The following GATA4 variants were observed in gnomAD, a reference collection of about 807,000 sequenced individuals.
The protein encoded by GATA4 is GATA binding protein 4, also known as transcription factor GATA-4.
In GATA4, 7 loss-of-function variants were observed where a neutral mutation model predicts 37.9. The observed-to-expected ratio is 0.18, with a 90% CI of 0.11 to 0.35. The LOEUF (loss-of-function observed/expected upper bound fraction) is 0.35. Among genes scored for constraint, GATA4 ranks in the 10% least tolerant of loss-of-function variants. GATA4 has a pLI of 1.00. For missense variants in GATA4, 647 were observed against 653.0 expected, an observed-to-expected ratio of 0.99 and a Z score of 0.10; for synonymous variants, 372 against 292.6, an observed-to-expected ratio of 1.27 and a Z score of -2.77.
Position 11,746,898 on chromosome 8 carries a change from G to T in GATA4, c.617-2018G>T, listed in dbSNP as rs141574294. On this transcript the variant is annotated intron_variant, in intron 2 of 6. Transcript: ENST00000532059. Reference sequence around the variant, plus strand: ...CTTACACCTGCACACTGTTTACTTGGTGTGGACACACAGCTACCTGTTTGC... The same window carrying T: ...CTTACACCTGCACACTGTTTACTTGTTGTGGACACACAGCTACCTGTTTGC... 3.7e-3 allele frequency among the ~76,000 whole-genome samples: 557 copies of T among 152,354 alleles called. 3 individuals carry two copies. The highest frequency in any genetic ancestry group is 0.017 in the Middle Eastern group (5 of 294).
intron 2 of GATA4, among the ~76,000 whole-genome samples, chr8:11,715,677 G>T (rs898894132): frequency 6.6e-6 from 1 of 151,418 alleles, no homozygotes; most frequent in Admixed American, 6.6e-5. Flanking sequence ...GGAGTTGGAG[G>T]TTGCAGTGAG....
At chr8:11,714,388 A>G (rs1307157338) in intron 2 of GATA4, among the ~76,000 whole-genome samples, 2 of 151,418 alleles carry the variant, frequency 1.3e-5, no homozygotes, top group African/African-American at 4.9e-5. Flanking sequence ...TCAGTGAAAA[A>G]CCCCGAAGTG....
intron 2 of GATA4, among the ~76,000 whole-genome samples, chr8:11,733,417 C>T (rs1263018522): frequency 6.6e-6 from 1 of 152,156 alleles, no homozygotes; most frequent in Non-Finnish European, 1.5e-5. Flanking sequence ...GACACACTGG[C>T]ACGGAAGCTA....
At position 11,709,084 on chromosome 8, in the gene GATA4, G is replaced by A. The variant is rs920481333; in HGVS notation, c.616+156G>A. 1.3e-5 allele frequency among the ~76,000 whole-genome samples: 2 copies of A among 152,174 alleles called. No individual in the cohort carries two copies. Among genetic ancestry groups the A allele is most frequent in the Non-Finnish European group, 2.9e-5 (2 of 68,024 alleles). On this transcript the variant is annotated intron_variant, in intron 2 of 6. Coordinates refer to ENST00000532059, the MANE Select transcript of GATA4 (RefSeq NM_001308093.3). The surrounding 1 kb of genome is among the most constrained non-coding windows in gnomAD (Gnocchi z 4.3). ...TCTAGGGAAGGCAGAAGCCAGTGCG[G>A]GGCTGGCGACATCACAGCCCCAGAA...
rs536376600 is a variant in GATA4 at position 11,757,481 on chromosome 8, G to C, written c.1149+398G>C. Among the ~76,000 whole-genome samples, 65 of 152,342 alleles carry C rather than the reference G, an allele frequency of 4.3e-4. 2 individuals are homozygous for C. Among genetic ancestry groups the C allele is most frequent in the African/African-American group, 3.4e-4 (14 of 41,578 alleles). ...AGACTGCGTGCTGGGGCGAGGGGAG[G>C]CGTGGTTGCGCTGTCGGAGGCCGAG... On this transcript the variant is annotated intron_variant, in intron 6 of 6. Coordinates refer to ENST00000532059, the MANE Select transcript of GATA4 (RefSeq NM_001308093.3).
rs1454262344 is a variant in GATA4 at position 11,709,607 on chromosome 8, C to T, written c.616+679C>T. 6.7e-6 allele frequency among the ~76,000 whole-genome samples: 1 copy of T among 149,528 alleles called. No individual in the cohort carries two copies. Among genetic ancestry groups the T allele is most frequent in the Non-Finnish European group, 1.5e-5 (1 of 67,638 alleles). The stretch of plus-strand genomic sequence containing the variant: ...GGGGGCGCACACGCCCGGTCAGTGT[C>T]CGGGAACATAGGGACCTCAAACGCG... On this transcript the variant is annotated intron_variant, in intron 2 of 6. Transcript: ENST00000532059. This position sits in a 1 kb window ranked among gnomAD's most constrained non-coding sequence, Gnocchi z 4.3.
chr8:11,720,496 A>G (rs1427952289), intron 2 of GATA4, among the ~76,000 whole-genome samples: 2 of 152,102 alleles, frequency 1.3e-5, no homozygotes, highest in Admixed American at 6.5e-5. Flanking sequence ...GGTTTGTTAC[A>G]TAGGTAAACT....
At chr8:11,737,088 G>A (rs34962960) in intron 2 of GATA4, among the ~76,000 whole-genome samples, 48,191 of 151,954 alleles carry the variant, frequency 0.32, 9,802 homozygotes, top group Non-Finnish European at 0.46. Flanking sequence ...AGCAGGAGAA[G>A]AAGATGTAAA....
chr8:11,734,355 G>A (rs935100370), intron 2 of GATA4, among the ~76,000 whole-genome samples: 5 of 152,222 alleles, frequency 3.3e-5, no homozygotes, highest in Admixed American at 6.5e-5. Flanking sequence ...CAAAGTTCTG[G>A]AAGCCAGGAA....
chr8:11,722,097 C>T (rs775794634), intron 2 of GATA4, among the ~76,000 whole-genome samples: 4 of 152,210 alleles, frequency 2.6e-5, no homozygotes, highest in Non-Finnish European at 5.9e-5. Flanking sequence ...ATCCTCCTGC[C>T]TCAGCCTCCC....
intron 1 of GATA4, among the ~76,000 whole-genome samples, chr8:11,683,922 T>C (rs572055468): frequency 5.4e-4 from 82 of 152,348 alleles, no homozygotes; most frequent in African/African-American, 1.9e-3. Context: ...CGGGAAAGAA[T>C]TTCCCTGGGA....
At chr8:11,691,571 C>T (rs1005430808), upstream of GATA4, among the ~76,000 whole-genome samples, 1 of 152,232 alleles carries the variant, frequency 6.6e-6, no homozygotes, top group East Asian at 1.9e-4. Flanking sequence ...ACCTGGGAGA[C>T]AGTTTAGTAG....
intron 2 of GATA4, among the ~76,000 whole-genome samples, chr8:11,728,531 GC>G (rs1395721131): frequency 6.6e-6 from 1 of 151,016 alleles, no homozygotes; most frequent in Non-Finnish European, 1.5e-5. Context: ...ACCATACCCA[GC>G]TTTTTTTTTT....
chr8:11,697,991 T>A, intron 1 of GATA4: 1 of 985,420 alleles, frequency 1.0e-6, no homozygotes, highest in Non-Finnish European at 1.2e-6. Context: ...ATAACCACTG[T>A]CCTCCCCGGG....
At chr8:11,685,993 G>A (rs903809599) in intron 1 of GATA4, among the ~76,000 whole-genome samples, 1 of 152,230 alleles carries the variant, frequency 6.6e-6, no homozygotes. Flanking sequence ...CGGAGGACAG[G>A]ACTGCAGACT....
chr8:11,741,394 G>A (rs151114044), intron 2 of GATA4, among the ~76,000 whole-genome samples: 5 of 152,164 alleles, frequency 3.3e-5, no homozygotes, highest in South Asian at 2.1e-4. Context: ...CAGGAGGATC[G>A]CCTGGGGCCG....
intron 4 of GATA4, among the ~76,000 whole-genome samples, chr8:11,754,366 A>G (rs902388869): frequency 1.3e-5 from 2 of 152,248 alleles, no homozygotes; most frequent in South Asian, 4.1e-4. Context: ...ACAGGCATGC[A>G]GCACCGTGCC....
chr8:11,720,640 C>T (rs1187985652), intron 2 of GATA4, among the ~76,000 whole-genome samples: 2 of 152,142 alleles, frequency 1.3e-5, no homozygotes, highest in Non-Finnish European at 2.9e-5. Context: ...TCTGCTGTTT[C>T]CTTCTTTGTG....
intron 2 of GATA4, among the ~76,000 whole-genome samples, chr8:11,723,117 C>G (rs7846104): frequency 2.0e-5 from 3 of 151,968 alleles, no homozygotes; most frequent in African/African-American, 7.3e-5. Flanking sequence ...GAGGCTGAGG[C>G]TGGAGGATCA....
Sources: allele counts gnomAD v4.1 joint callset (sites outside exome capture counted in the v4.1 genomes callset), GRCh38; gene constraint gnomAD v4.1.1; non-coding constraint Gnocchi (gnomAD v3.1); transcripts MANE v1.5; gene names NCBI Gene and HGNC (gene_info 2026-07-23, HGNC 2026-07-21).